GMDS: variants seen among roughly 807,000 people sequenced by gnomAD.
The protein encoded by GMDS is GDP-mannose 4,6-dehydratase, also known as GDP-mannose 4,6 dehydratase.
In GMDS, 20 loss-of-function variants were observed where a neutral mutation model predicts 49.9. That is an observed-to-expected ratio of 0.40 (90% CI 0.28 to 0.58). GMDS has a LOEUF of 0.58. Ranked by LOEUF, GMDS falls within the 20% of genes least tolerant of loss-of-function variation. The probability of loss-of-function intolerance (pLI) is 0.42; values close to 1 mark genes in which losing one functional copy is unlikely to be tolerated. For synonymous variants in GMDS, 177 were observed against 178.6 expected, an observed-to-expected ratio of 0.99 and a Z score of 0.07; for missense variants, 362 against 481.4, an observed-to-expected ratio of 0.75 and a Z score of 2.32.
intron 4 of GMDS, among the ~76,000 whole-genome samples, chr6:2,048,002 C>G (rs191945898): frequency 6.6e-6 from 1 of 152,148 alleles, no homozygotes; most frequent in Non-Finnish European, 1.5e-5. Flanking sequence ...TGGGTTCATA[C>G]TGAGTAACAG....
At chr6:1,768,094 C>T (rs1252084538) in intron 7 of GMDS, among the ~76,000 whole-genome samples, 1 of 151,814 alleles carries the variant, frequency 6.6e-6, no homozygotes, top group Non-Finnish European at 1.5e-5. Context: ...AGCAGAAGAT[C>T]CAGAGGTAAA....
At chr6:1,998,373 C>T (rs1221305106) in intron 4 of GMDS, among the ~76,000 whole-genome samples, 2 of 151,602 alleles carry the variant, frequency 1.3e-5, no homozygotes, top group Non-Finnish European at 2.9e-5. Context: ...TATGAGCTCC[C>T]TAGTAAGAAA....
At chr6:1,922,864 G>A (rs1761789196) in intron 7 of GMDS, among the ~76,000 whole-genome samples, 1 of 152,214 alleles carries the variant, frequency 6.6e-6, no homozygotes, top group Admixed American at 6.5e-5. Flanking sequence ...CAGTTCAGCT[G>A]CGTCCCCTTT....
At chr6:1,989,175 G>A (rs373908292) in intron 4 of GMDS, among the ~76,000 whole-genome samples, 3 of 152,236 alleles carry the variant, frequency 2.0e-5, no homozygotes, top group Non-Finnish European at 1.5e-5. Context: ...ACAATCTGGT[G>A]GTTAATGCAA....
At chr6:2,161,225 G>A (rs555200039) in intron 1 of GMDS, among the ~76,000 whole-genome samples, 2 of 151,810 alleles carry the variant, frequency 1.3e-5, no homozygotes, top group African/African-American at 4.8e-5. Flanking sequence ...TCACCAGGAT[G>A]GTCTCGATCT....
intron 4 of GMDS, among the ~76,000 whole-genome samples, chr6:2,069,110 T>C (rs1771814316): frequency 6.6e-6 from 1 of 151,934 alleles, no homozygotes; most frequent in African/African-American, 2.4e-5. Context: ...AGGAATAACG[T>C]CGCGTATCTA....
At chr6:1,755,902 T>C (rs1380219028) in intron 7 of GMDS, among the ~76,000 whole-genome samples, 3 of 152,134 alleles carry the variant, frequency 2.0e-5, no homozygotes, top group Non-Finnish European at 4.4e-5. Flanking sequence ...AAGCCATAAT[T>C]GACAAATGGG....
chr6:2,053,357 C>T (rs1770564382), intron 4 of GMDS, among the ~76,000 whole-genome samples: 1 of 151,794 alleles, frequency 6.6e-6, no homozygotes, highest in African/African-American at 2.4e-5. Flanking sequence ...AGGGAAAGTA[C>T]AATAAATTAA....
At chr6:1,798,115 A>T (rs1769807774) in intron 7 of GMDS, among the ~76,000 whole-genome samples, 1 of 152,194 alleles carries the variant, frequency 6.6e-6, no homozygotes, top group Non-Finnish European at 1.5e-5. Flanking sequence ...TTTCGATCTC[A>T]GTTTGTACCA....
chr6:1,653,114 G>A (rs563964090), intron 9 of GMDS, among the ~76,000 whole-genome samples: 4 of 151,886 alleles, frequency 2.6e-5, no homozygotes, highest in South Asian at 4.2e-4. Flanking sequence ...ACAGACCCCC[G>A]TGGCACGTCC....
chr6:1,822,562 G>A (rs927841248), intron 7 of GMDS, among the ~76,000 whole-genome samples: 9 of 152,152 alleles, frequency 5.9e-5, no homozygotes, highest in African/African-American at 2.2e-4. Flanking sequence ...TATTTTTCTA[G>A]ATTAGCAAAA....
At chr6:1,856,292 G>A (rs1258387724) in intron 7 of GMDS, among the ~76,000 whole-genome samples, 2 of 152,194 alleles carry the variant, frequency 1.3e-5, no homozygotes, top group Non-Finnish European at 2.9e-5. Context: ...ACACAGGCTT[G>A]CCACAACGTC....
At chr6:2,221,618 G>A (rs1780594313) in intron 1 of GMDS, among the ~76,000 whole-genome samples, 1 of 152,158 alleles carries the variant, frequency 6.6e-6, no homozygotes, top group African/African-American at 2.4e-5. Context: ...TCCATATCCT[G>A]ACCTCGTGAT....
chr6:1,799,242 C>T (rs755224834), intron 7 of GMDS, among the ~76,000 whole-genome samples: 2 of 152,046 alleles, frequency 1.3e-5, no homozygotes, highest in Non-Finnish European at 2.9e-5. Flanking sequence ...AAGAGTCCCC[C>T]GCTCCCTCCT....
intron 9 of GMDS, among the ~76,000 whole-genome samples, chr6:1,695,710 C>T (rs1480636768): frequency 6.6e-6 from 1 of 152,114 alleles, no homozygotes; most frequent in Non-Finnish European, 1.5e-5. Context: ...CCCCTGTGTG[C>T]AGGGACCCTG....
intron 1 of GMDS, among the ~76,000 whole-genome samples, chr6:2,223,895 C>T (rs1780706227): frequency 6.6e-6 from 1 of 152,008 alleles, no homozygotes; most frequent in African/African-American, 2.4e-5. Flanking sequence ...CAGTTGTAGA[C>T]ATAGAAAGTG....
chr6:1,650,208 G>T (rs997526038), intron 9 of GMDS, among the ~76,000 whole-genome samples: 1 of 152,028 alleles, frequency 6.6e-6, no homozygotes, highest in Non-Finnish European at 1.5e-5. Context: ...CGTACCAAGA[G>T]TTTTAACTTT....
At chr6:2,034,102 G>A (rs1235357855) in intron 4 of GMDS, among the ~76,000 whole-genome samples, 1 of 152,116 alleles carries the variant, frequency 6.6e-6, no homozygotes, top group Admixed American at 6.6e-5. Context: ...ATGCATATAT[G>A]TGTGTGTATA....
At chr6:1,951,153 A>T (rs1248139178) in intron 6 of GMDS, among the ~76,000 whole-genome samples, 1 of 151,558 alleles carries the variant, frequency 6.6e-6, no homozygotes, top group Non-Finnish European at 1.5e-5. Context: ...TTTAAAAAAC[A>T]AATCAAAAGG....
Sources: allele counts gnomAD v4.1 joint callset (sites outside exome capture counted in the v4.1 genomes callset), GRCh38; gene constraint gnomAD v4.1.1; transcripts MANE v1.5; gene names NCBI Gene and HGNC (gene_info 2026-07-23, HGNC 2026-07-21).